Variants in E2F5 observed in about 807,000 individuals in gnomAD.
The protein encoded by E2F5 is E2F transcription factor 5.
A neutral mutation model predicts 39.1 loss-of-function variants in E2F5; 23 were observed. The observed-to-expected ratio is 0.59, with a 90% CI of 0.42 to 0.83. The LOEUF is 0.83. Among genes scored for constraint, E2F5 ranks in the 40% least tolerant of loss-of-function variants. E2F5 has a pLI of 0.00. For missense variants in E2F5, 365 were observed against 406.7 expected, an observed-to-expected ratio of 0.90 and a Z score of 0.88; for synonymous variants, 145 against 157.8, an observed-to-expected ratio of 0.92 and a Z score of 0.61.
At position 85,186,809 on chromosome 8, in the gene E2F5, A is replaced by G. The variant is rs1283347825; in HGVS notation, c.234+9155A>G. ...AGGTGTATATATATGATATGTATAT[A>G]TAAGGTGTATATATATGGTATATAT... On this transcript the variant is annotated intron_variant, in intron 1 of 7. Transcript: ENST00000416274. Among the ~76,000 whole-genome samples the G allele has an allele frequency of 2.0e-5, 3 of 148,026 alleles. No homozygotes were observed. In the East Asian group the frequency reaches 5.9e-4, roughly 29 times the overall value.
At chr8:85,209,531 T>G in intron 6 of E2F5, 122 bp downstream of exon 6, 1 of 1,178,898 alleles carries the variant, frequency 8.5e-7, no homozygotes, top group South Asian at 1.6e-5. Context: ...TTGGAATATT[T>G]GCATATACAT....
In E2F5 at chr8:85,177,521, A is replaced by AGCCGCCCCCGCC. The variant is rs1812109038; in HGVS notation, c.107_118dup (p.Pro36_Pro39dup). 3 of 1,134,766 alleles carry AGCCGCCCCCGCC rather than the reference A, an allele frequency of 2.6e-6. No homozygotes were observed. The highest frequency in any genetic ancestry group is 3.3e-5 in the African/African-American group (2 of 60,726). The allele number at this position is 1,134,766 out of a possible 1,614,324, so 70.3% of individuals were successfully genotyped here. Reference sequence around the variant, plus strand: ...CAGCCTCCGCAGGCGCAAGCCCCGCAGCCGCCCCCGCCGCCGCAGCTCGGG... The same window carrying AGCCGCCCCCGCC: ...CAGCCTCCGCAGGCGCAAGCCCCGCAGCCGCCCCCGCCGCCGCCCCCGCCGCCGCAGCTCGGG... On this transcript the variant is annotated inframe_insertion, in exon 1 of 8. Transcript: ENST00000416274.
intron 7 of E2F5, 27 bp from the exon 8 acceptor site, chr8:85,213,726 A>G: frequency 8.0e-7 from 1 of 1,245,022 alleles, no homozygotes; most frequent in Non-Finnish European, 1.2e-6. Flanking sequence ...AACCATCTTT[A>G]ACACTAAATT....
At chr8:85,210,233 C>T (rs1483626564) in intron 6 of E2F5, among the ~76,000 whole-genome samples, 1 of 152,180 alleles carries the variant, frequency 6.6e-6, no homozygotes, top group Non-Finnish European at 1.5e-5. Flanking sequence ...GGATGTGTCT[C>T]ATTGCTAAAA....
chr8:85,184,031 A>G (rs1456627112), intron 1 of E2F5, among the ~76,000 whole-genome samples: 1 of 152,210 alleles, frequency 6.6e-6, no homozygotes, highest in East Asian at 1.9e-4. Context: ...CTGTAAGCCA[A>G]GGAGCGAGGC....
Position 85,214,282 on chromosome 8 carries a change from C to A in E2F5, c.*420C>A, listed in dbSNP as rs770776043. 6.3e-5 allele frequency: 36 copies of A among 568,258 alleles called. No individual in the cohort carries two copies. Among genetic ancestry groups the A allele is most frequent in the African/African-American group, 6.2e-4 (33 of 53,324 alleles). 35.2% of individuals were successfully genotyped at this position (568,258 alleles called of 1,614,324 possible). On this transcript the variant is annotated 3_prime_UTR_variant, in exon 8 of 8. Coordinates refer to ENST00000416274, the MANE Select transcript of E2F5 (RefSeq NM_001951.4). ...CTGTATGTCCTTCTATCCAAACAGA[C>A]GTTCACTGCCACTTGTAAAGTGAAG...
chr8:85,203,223 C>A lies in E2F5; in HGVS notation c.474C>A (p.Ile158=), dbSNP rs766424213. 4 of 1,600,588 alleles carry A rather than the reference C, an allele frequency of 2.5e-6. No individual in the cohort carries two copies. Among genetic ancestry groups the A allele is most frequent in the East Asian group, 4.5e-5 (2 of 44,370 alleles). ...AGAAGTTGTGGCTACAGCAAAGCATCAAAAATGTGATGGACGATTCCATTA... is the reference window on the plus strand; with the variant it reads ...AGAAGTTGTGGCTACAGCAAAGCATAAAAAATGTGATGGACGATTCCATTA... ...DQQKLWLQQS[I]KNVMDDSINN... Residue 158 remains isoleucine, a synonymous_variant, in exon 3 of 8, where the codon ATC becomes ATA. Coordinates refer to ENST00000416274, the MANE Select transcript of E2F5 (RefSeq NM_001951.4).
intron 1 of E2F5, among the ~76,000 whole-genome samples, chr8:85,180,901 A>G (rs1014533692): frequency 6.6e-6 from 1 of 150,872 alleles, no homozygotes; most frequent in African/African-American, 2.4e-5. Flanking sequence ...TTTTTGAGAC[A>G]GGGTCTTATT....
At chr8:85,184,223 G>A (rs4150857) in intron 1 of E2F5, among the ~76,000 whole-genome samples, 109 of 152,206 alleles carry the variant, frequency 7.2e-4, no homozygotes, top group Non-Finnish European at 1.2e-3. Context: ...TTCAACATAC[G>A]CAAATCAATA....
chr8:85,181,502 G>GT (rs370980472), intron 1 of E2F5, among the ~76,000 whole-genome samples: 2,719 of 131,274 alleles, frequency 0.021, 34 homozygotes, highest in African/African-American at 0.037. Context: ...GGCTAGTTTT[G>GT]TTTTTTTTTT....
intron 1 of E2F5, among the ~76,000 whole-genome samples, chr8:85,188,353 C>T (rs1812389446): frequency 7.6e-6 from 1 of 131,684 alleles, no homozygotes; most frequent in Admixed American, 7.7e-5. Context: ...GAAGACTTCC[C>T]TTTACCATTT....
intron 1 of E2F5, among the ~76,000 whole-genome samples, chr8:85,189,890 C>T (rs912681789): frequency 3.3e-5 from 5 of 152,152 alleles, no homozygotes; most frequent in African/African-American, 4.8e-5. Flanking sequence ...GGCAGTTCCA[C>T]GCTTTTCACA....
chr8:85,206,027 T>C, intron 3 of E2F5, 150 bp from the exon 4 acceptor site: 2 of 687,044 alleles, frequency 2.9e-6, no homozygotes, highest in Non-Finnish European at 2.5e-6. Context: ...TCTTTACCTT[T>C]CTAGACTAGA....
chr8:85,213,542 T>TAAAAAAAAAAAAAA (rs536955367), intron 7 of E2F5: 5 of 121,474 alleles, frequency 4.1e-5, no homozygotes, highest in African/African-American at 5.0e-5. Context: ...GACTCCATCT[T>TAAAAAAAAAAAAAA]AAAAAAAAAA....
chr8:85,205,009 A>T (rs989102212), intron 3 of E2F5, among the ~76,000 whole-genome samples: 4 of 152,166 alleles, frequency 2.6e-5, no homozygotes, highest in African/African-American at 9.7e-5. Flanking sequence ...AACAGGGTGA[A>T]ACCCTGTCCG....
chr8:85,210,962 CATAATTAGCTATAATGG>C (rs1208117715), intron 6 of E2F5, among the ~76,000 whole-genome samples: 2 of 151,914 alleles, frequency 1.3e-5, no homozygotes, highest in Non-Finnish European at 2.9e-5. Context: ...AAGGAAATAG[CATAATTAGCTATAATGG>C]TGCACACAGG....
Position 85,209,241 on chromosome 8 carries a change from G to T in E2F5, c.715G>T (p.Val239Leu). ...INKESSSSKP[V>L]VFPVPPPDDL... ...TAAAGAGTCGAGTTCATCTAAGCCC[G>T]TGGTTTTTCCTGTTCCCCCACCTGA... The change falls in exon 6 of 8, where the codon GTG becomes TTG. Residue 239 changes from valine to leucine, a missense_variant. Val to Leu is a conservative substitution (Grantham distance 32, BLOSUM62 1). Transcript: ENST00000416274. 6.2e-7 allele frequency: 1 copy of T among 1,613,940 alleles called. No individual in the cohort carries two copies. The highest frequency in any genetic ancestry group is 8.5e-7 in the Non-Finnish European group (1 of 1,179,876).
chr8:85,197,465 C>A (rs1812606588), intron 1 of E2F5, among the ~76,000 whole-genome samples: 1 of 152,190 alleles, frequency 6.6e-6, no homozygotes, highest in Non-Finnish European at 1.5e-5. Context: ...CACTTATGGA[C>A]TACCTATCTC....
intron 1 of E2F5, among the ~76,000 whole-genome samples, chr8:85,195,018 C>A (rs1303547660): frequency 6.6e-6 from 1 of 151,996 alleles, no homozygotes; most frequent in Non-Finnish European, 1.5e-5. Context: ...CCCAGGGCCA[C>A]ACAGCTAATA....
Sources: gnomAD v4.1 joint callset for allele counts (sites outside exome capture counted in the v4.1 genomes callset) on GRCh38, gnomAD v4.1.1 for gene constraint, MANE v1.5 for transcripts, NCBI Gene and HGNC (gene_info 2026-07-23, HGNC 2026-07-21) for gene names.